Variants in PDLIM5 observed in about 807,000 individuals in gnomAD.
PDLIM5 encodes the protein PDZ and LIM domain protein 5.
A neutral mutation model predicts 64.2 loss-of-function variants in PDLIM5; 34 were observed. The observed-to-expected ratio is 0.53, with a 90% CI of 0.40 to 0.71. The LOEUF is 0.71. PDLIM5 is among the 30% of genes least tolerant of loss of function. The probability of loss-of-function intolerance (pLI) is 0.00; values close to 1 mark genes in which losing one functional copy is unlikely to be tolerated. For missense variants in PDLIM5, 683 were observed against 733.6 expected, an observed-to-expected ratio of 0.93 and a Z score of 0.80; for synonymous variants, 253 against 269.1, an observed-to-expected ratio of 0.94 and a Z score of 0.59.
At chr4:94,642,803 A>G (rs1030736004) in intron 9 of PDLIM5, among the ~76,000 whole-genome samples, 1 of 152,204 alleles carries the variant, frequency 6.6e-6, no homozygotes, top group Non-Finnish European at 1.5e-5. Flanking sequence ...AGATCAAGTG[A>G]CATTCTCTTG....
chr4:94,484,999 A>T (rs1320209805), intron 2 of PDLIM5, among the ~76,000 whole-genome samples: 1 of 152,164 alleles, frequency 6.6e-6, no homozygotes, highest in Non-Finnish European at 1.5e-5. Flanking sequence ...GACTAGTCAC[A>T]TGACTACATA....
intron 7 of PDLIM5, among the ~76,000 whole-genome samples, chr4:94,612,498 C>T (rs1017011261): frequency 3.3e-5 from 5 of 152,182 alleles, no homozygotes; most frequent in East Asian, 1.9e-4. Flanking sequence ...TTTTAGGACC[C>T]GGTAAGAGCT....
intron 5 of PDLIM5, 102 bp from the exon 6 acceptor site, chr4:94,585,463 T>A: frequency 1.4e-6 from 1 of 696,090 alleles, no homozygotes; most frequent in Admixed American, 3.3e-5. Context: ...AAAAGGAATA[T>A]TGAAGATTAA....
chr4:94,562,976 TC>T (rs1733972204), intron 3 of PDLIM5, among the ~76,000 whole-genome samples: 1 of 152,118 alleles, frequency 6.6e-6, no homozygotes, highest in African/African-American at 2.4e-5. Context: ...TTCAACAAAA[TC>T]CATTAAATTA....
chr4:94,610,396 C>G, intron 7 of PDLIM5: 1 of 665,182 alleles, frequency 1.5e-6, no homozygotes, highest in Admixed American at 3.8e-5. Flanking sequence ...CCCTTTGAAG[C>G]AATCATAGCT....
At chr4:94,587,213 A>G (rs1553963862) in intron 7 of PDLIM5, 7 of 1,447,552 alleles carry the variant, frequency 4.8e-6, no homozygotes, top group South Asian at 3.0e-5. Context: ...TTTTCTAACA[A>G]TTTCCTATTG....
At chr4:94,585,078 T>C (rs1444323303) in intron 5 of PDLIM5, 3 of 781,162 alleles carry the variant, frequency 3.8e-6, no homozygotes, top group Non-Finnish European at 6.3e-6. Context: ...TTACTTATAA[T>C]TTAAAAGGTT....
chr4:94,512,655 A>G (rs560834428), intron 2 of PDLIM5, among the ~76,000 whole-genome samples: 1 of 151,676 alleles, frequency 6.6e-6, no homozygotes, highest in East Asian at 1.9e-4. Context: ...TCAGATGGGT[A>G]GTTTGCAATT....
intron 2 of PDLIM5, among the ~76,000 whole-genome samples, chr4:94,486,787 G>C (rs1396922733): frequency 1.3e-5 from 2 of 152,020 alleles, no homozygotes; most frequent in Non-Finnish European, 2.9e-5. Flanking sequence ...GAGTTGCTTG[G>C]GGCCAGGAAT....
intron 8 of PDLIM5, among the ~76,000 whole-genome samples, chr4:94,620,296 C>T (rs887781334): frequency 2.0e-5 from 3 of 152,106 alleles, no homozygotes; most frequent in East Asian, 3.9e-4. Flanking sequence ...TAGCTGAGTG[C>T]GGTGGCTCCT....
intron 7 of PDLIM5, among the ~76,000 whole-genome samples, chr4:94,606,526 A>T (rs892936880): frequency 3.3e-5 from 5 of 152,208 alleles, no homozygotes; most frequent in South Asian, 4.1e-4. Context: ...AAAGAGATGG[A>T]AGGCCCAGTG....
intron 2 of PDLIM5, among the ~76,000 whole-genome samples, chr4:94,494,527 C>T (rs1727197716): frequency 6.9e-6 from 1 of 145,114 alleles, no homozygotes; most frequent in Non-Finnish European, 1.5e-5. Flanking sequence ...GCAACCCCTG[C>T]CTTCTGAGTT....
At chr4:94,540,469 T>A (rs1415334858) in intron 3 of PDLIM5, among the ~76,000 whole-genome samples, 1 of 152,172 alleles carries the variant, frequency 6.6e-6, no homozygotes, top group Non-Finnish European at 1.5e-5. Context: ...CCTAAATAAT[T>A]TGTCTAACGT....
At chr4:94,617,501 G>C (rs964654141) in intron 7 of PDLIM5, among the ~76,000 whole-genome samples, 11 of 152,040 alleles carry the variant, frequency 7.2e-5, no homozygotes, top group African/African-American at 2.7e-4. Context: ...GAATGAGTGA[G>C]TATGTGAGTA....
chr4:94,549,564 G>A (rs755807357), intron 3 of PDLIM5, among the ~76,000 whole-genome samples: 5 of 152,120 alleles, frequency 3.3e-5, no homozygotes, highest in Non-Finnish European at 7.4e-5. Flanking sequence ...TCGTCTGTCT[G>A]TATAATGGAA....
intron 3 of PDLIM5, among the ~76,000 whole-genome samples, chr4:94,553,245 A>T (rs555568468): frequency 5.3e-5 from 8 of 152,176 alleles, no homozygotes; most frequent in African/African-American, 1.9e-4. Flanking sequence ...AGTACCTGGG[A>T]TTACAGGTGC....
Position 94,550,313 on chromosome 4 carries a change from A to C in PDLIM5, c.249-23038A>C, listed in dbSNP as rs568593483. On this transcript the variant is annotated intron_variant, in intron 3 of 12. Transcript: ENST00000317968. ...AAGTTAGGACATTTCTGAAAGATTT[A>C]TGTATTATCTATTTAATAGAAATCT... 8.5e-5 allele frequency among the ~76,000 whole-genome samples: 13 copies of C among 152,304 alleles called. 1 individual carries two copies. In the East Asian group the frequency reaches 2.5e-3, roughly 29 times the overall value.
At chr4:94,607,816 G>A (rs762090413) in intron 7 of PDLIM5, among the ~76,000 whole-genome samples, 6 of 152,064 alleles carry the variant, frequency 3.9e-5, no homozygotes, top group South Asian at 2.1e-4. Flanking sequence ...CCCTGTAAGC[G>A]TAATATTTTA....
chr4:94,491,524 A>T (rs532233640), intron 2 of PDLIM5, among the ~76,000 whole-genome samples: 5 of 152,008 alleles, frequency 3.3e-5, no homozygotes, highest in African/African-American at 1.2e-4. Context: ...TTATGCTGCT[A>T]TTCTTTCATG....
Sources: gnomAD v4.1 joint callset for allele counts (sites outside exome capture counted in the v4.1 genomes callset) on GRCh38, gnomAD v4.1.1 for gene constraint, MANE v1.5 for transcripts, NCBI Gene and HGNC (gene_info 2026-07-23, HGNC 2026-07-21) for gene names.